The following ATP8A1 variants were observed in gnomAD, a reference collection of about 807,000 sequenced individuals.
ATP8A1 encodes the protein ATPase phospholipid transporting 8A1, also known as phospholipid-transporting ATPase IA.
ATP8A1 carries 90 observed loss-of-function variants against 177.7 expected under a neutral mutation model. The observed-to-expected ratio is 0.51, with a 90% CI of 0.43 to 0.60. The LOEUF (loss-of-function observed/expected upper bound fraction) is 0.60, where lower values mean the gene tolerates loss of function less well. ATP8A1 is among the 20% of genes least tolerant of loss of function. The pLI is 0.00. For missense variants in ATP8A1, 1,072 were observed against 1,392.8 expected (o/e 0.77, Z 3.67); for synonymous variants, 493 against 485.9 (o/e 1.01, Z -0.19).
intron 1 of ATP8A1, among the ~76,000 whole-genome samples, chr4:42,651,609 G>A (rs1220120424): frequency 2.0e-5 from 3 of 152,194 alleles, no homozygotes; most frequent in African/African-American, 7.2e-5. Flanking sequence ...AGCTTGCCCT[G>A]CAAGTGGAAA....
At chr4:42,530,075 G>A (rs1727110006) in intron 20 of ATP8A1, among the ~76,000 whole-genome samples, 1 of 152,222 alleles carries the variant, frequency 6.6e-6, no homozygotes, top group African/African-American at 2.4e-5. Flanking sequence ...TAATAATCAA[G>A]TGGATAGGAT....
In ATP8A1 at chr4:42,488,293, G is replaced by A. The variant is rs187253034; in HGVS notation, c.2152-2625C>T. Among the ~76,000 whole-genome samples, 326 of 152,272 alleles carry A rather than the reference G, an allele frequency of 2.1e-3. 1 individual carries two copies. Among genetic ancestry groups the A allele is most frequent in the Non-Finnish European group, 3.8e-3 (261 of 68,016 alleles). On this transcript the variant is annotated intron_variant, in intron 24 of 36. Coordinates refer to ENST00000381668, the MANE Select transcript of ATP8A1 (RefSeq NM_006095.2). ...CTACTGTTATCTCCATTCTGCAGATGAGAGTGTTTCAGTTCCTTGCTTAAA... is the reference window on the plus strand; with the variant it reads ...CTACTGTTATCTCCATTCTGCAGATAAGAGTGTTTCAGTTCCTTGCTTAAA...
intron 15 of ATP8A1, 52 bp from the exon 16 acceptor site, chr4:42,556,092 G>T: frequency 7.7e-7 from 1 of 1,295,306 alleles, no homozygotes; most frequent in South Asian, 1.3e-5. Context: ...CCAGCCCACT[G>T]ATCTATTTGT....
At chr4:42,482,322 CAAACAAACAAACA>C (rs1451335586) in intron 25 of ATP8A1, among the ~76,000 whole-genome samples, 10 of 72,264 alleles carry the variant, frequency 1.4e-4, no homozygotes, top group African/African-American at 3.6e-4. Flanking sequence ...AAAAAACAAA[CAAACAAACAAACA>C]AAAAAAAAAA....
At chr4:42,456,001 T>C (rs898125571) in intron 27 of ATP8A1, among the ~76,000 whole-genome samples, 7 of 152,184 alleles carry the variant, frequency 4.6e-5, no homozygotes, top group Admixed American at 1.3e-4. Context: ...AAGTAACACT[T>C]GTTTATTTAG....
chr4:42,577,051 A>C (rs1732532950), intron 12 of ATP8A1, among the ~76,000 whole-genome samples: 3 of 152,230 alleles, frequency 2.0e-5, no homozygotes, highest in African/African-American at 7.2e-5. Flanking sequence ...CTGGAAAGTC[A>C]GTGTTCTATC....
intron 5 of ATP8A1, 134 bp from the exon 6 acceptor site, chr4:42,600,652 T>C: frequency 2.7e-6 from 2 of 738,656 alleles, no homozygotes; most frequent in Non-Finnish European, 4.3e-6. Context: ...AAAATTCTAA[T>C]TATGATAGCA....
At chr4:42,473,504 T>A (rs528920185) in intron 25 of ATP8A1, among the ~76,000 whole-genome samples, 3 of 152,302 alleles carry the variant, frequency 2.0e-5, no homozygotes, top group Non-Finnish European at 2.9e-5. Flanking sequence ...AGCTCTACCC[T>A]GTTGTGAGCT....
chr4:42,648,748 C>T (rs182660855), intron 1 of ATP8A1, among the ~76,000 whole-genome samples: 168 of 152,174 alleles, frequency 1.1e-3, no homozygotes, highest in African/African-American at 3.7e-3. Context: ...AAGGTATTAT[C>T]GTTAACATAT....
chr4:42,435,388 T>G (rs182180126), intron 33 of ATP8A1, among the ~76,000 whole-genome samples: 61 of 140,610 alleles, frequency 4.3e-4, no homozygotes, highest in Middle Eastern at 4.1e-3. Context: ...ATCACGCCAT[T>G]GTACTCCAGC....
chr4:42,428,170 CCTCCCTGGAAGGGTTT>C (rs1232178905), intron 33 of ATP8A1, among the ~76,000 whole-genome samples: 1 of 152,184 alleles, frequency 6.6e-6, no homozygotes, highest in Non-Finnish European at 1.5e-5. Flanking sequence ...ATACAAACAC[CCTCCCTGGAAGGGTTT>C]GCAGTTTGTA....
At chr4:42,595,538 G>A (rs149131522) in intron 6 of ATP8A1, among the ~76,000 whole-genome samples, 192 of 152,200 alleles carry the variant, frequency 1.3e-3, no homozygotes, top group African/African-American at 4.5e-3. Flanking sequence ...CTCAAAAAAG[G>A]GCAAAGAGGA....
At chr4:42,635,774 C>CATATAT (rs1313230761) in intron 1 of ATP8A1, among the ~76,000 whole-genome samples, 1 of 46,110 alleles carries the variant, frequency 2.2e-5, no homozygotes, top group Non-Finnish European at 4.7e-5. Context: ...CACACACACA[C>CATATAT]ACACACACAT....
At chr4:42,579,659 C>T (rs924657108) in intron 11 of ATP8A1, among the ~76,000 whole-genome samples, 154 bp downstream of exon 11, 1 of 151,938 alleles carries the variant, frequency 6.6e-6, no homozygotes, top group African/African-American at 2.4e-5. Flanking sequence ...CTTACACTTG[C>T]TAGAAATCTC....
chr4:42,569,194 T>A lies in ATP8A1; in HGVS notation c.1307A>T (p.Glu436Val). Residue 436 changes from glutamate (E) to valine (V), a missense_variant, in exon 15 of 37, where the codon GAA becomes GTA. This residue lies in a region of ATP8A1 where 388 missense variants were observed against 471.7 expected (regional missense o/e 0.82). Coordinates refer to ENST00000381668, the MANE Select transcript of ATP8A1 (RefSeq NM_006095.2). Reference sequence around the variant, plus strand: ...AGGAGAGCAGCCATAATCCTCAGGTTCAGGGACATGGCTTCAGAAAGCAAG... The same window carrying A: ...AGGAGAGCAGCCATAATCCTCAGGTACAGGGACATGGCTTCAGAAAGCAAG... ...IAGVAYGHVP[E>V]PEDYGCSPDE... 1 of 1,607,720 alleles carries A rather than the reference T, an allele frequency of 6.2e-7. No homozygotes were observed. The highest frequency in any genetic ancestry group is 8.5e-7 in the Non-Finnish European group (1 of 1,176,828).
chr4:42,613,830 C>G (rs536334756), intron 5 of ATP8A1, among the ~76,000 whole-genome samples: 1 of 151,946 alleles, frequency 6.6e-6, no homozygotes, highest in East Asian at 1.9e-4. Context: ...GCGATCCATC[C>G]GCCTCAGCCT....
chr4:42,635,781 A>G (rs1256744445), intron 1 of ATP8A1, among the ~76,000 whole-genome samples: 1 of 55,276 alleles, frequency 1.8e-5, no homozygotes, highest in Non-Finnish European at 3.2e-5. Context: ...ACACACACAC[A>G]CATATATATA....
In ATP8A1 at chr4:42,635,155, T is replaced by C. The variant is rs1267333832; in HGVS notation, c.50-8046A>G. Among the ~76,000 whole-genome samples, 5 of 152,040 alleles carry C rather than the reference T, an allele frequency of 3.3e-5. No individual in the cohort carries two copies. In the East Asian group the frequency reaches 9.6e-4, roughly 29 times the overall value. ...GCCATATAATTTGGTCAATTAATAT[T>C]GAGTACTTTTTTTTTTAACAAAATT... On this transcript the variant is annotated intron_variant, in intron 1 of 36. Transcript: ENST00000381668.
intron 5 of ATP8A1, among the ~76,000 whole-genome samples, chr4:42,610,832 T>C (rs1736293022): frequency 6.6e-6 from 1 of 152,178 alleles, no homozygotes; most frequent in Non-Finnish European, 1.5e-5. Context: ...CTAAAAACCA[T>C]TTATAGGTAA....
Sources: gnomAD v4.1 joint callset for allele counts (sites outside exome capture counted in the v4.1 genomes callset) on GRCh38, gnomAD v4.1.1 for gene constraint, gnomAD v4.1.1 regional missense constraint, MANE v1.5 for transcripts, NCBI Gene and HGNC (gene_info 2026-07-23, HGNC 2026-07-21) for gene names.